PTPRD: variants seen among roughly 807,000 people sequenced by gnomAD.
PTPRD encodes receptor-type tyrosine-protein phosphatase delta.
Under a neutral mutation model 214.5 loss-of-function variants are expected in PTPRD, and 34 were observed. The ratio of observed to expected loss-of-function variants is 0.16; its 90% CI spans 0.12 to 0.21. The LOEUF is 0.21. PTPRD is among the 10% of genes least tolerant of loss of function. The probability of loss-of-function intolerance (pLI) is 1.00; values close to 1 mark genes in which losing one functional copy is unlikely to be tolerated. For synonymous variants in PTPRD, 1,128 were observed against 845.7 expected (o/e 1.33, Z -5.79); for missense variants, 2,545 against 2,398.7 (o/e 1.06, Z -1.27).
chr9:8,745,538 G>T (rs923783144), intron 11 of PTPRD, among the ~76,000 whole-genome samples: 1 of 152,134 alleles, frequency 6.6e-6, no homozygotes, highest in African/African-American at 2.4e-5. Context: ...ATTCACAAAT[G>T]AAAGTTTATC....
chr9:9,833,976 T>C lies in PTPRD; in HGVS notation c.-367-67125A>G, dbSNP rs548632449. Among the ~76,000 whole-genome samples, 119 of 152,140 alleles carry C rather than the reference T, an allele frequency of 7.8e-4. 1 individual carries two copies. Among genetic ancestry groups the C allele is most frequent in the Middle Eastern group, 6.8e-3 (2 of 294 alleles). ...ATTATTACAGGGTCCTGGAACGATA[T>C]ACATCCTCCTCAACTGACAGGATTA... On this transcript the variant is annotated intron_variant, in intron 5 of 45. Coordinates refer to ENST00000381196, the MANE Select transcript of PTPRD (RefSeq NM_002839.4).
At chr9:9,835,832 C>A (rs1179025734) in intron 5 of PTPRD, among the ~76,000 whole-genome samples, 1 of 152,070 alleles carries the variant, frequency 6.6e-6, no homozygotes, top group Non-Finnish European at 1.5e-5. Flanking sequence ...CACCCTCCTG[C>A]CATATTGTAA....
intron 11 of PTPRD, among the ~76,000 whole-genome samples, chr9:8,981,780 A>G (rs931044980): frequency 6.6e-6 from 1 of 152,082 alleles, no homozygotes; most frequent in Non-Finnish European, 1.5e-5. Context: ...GCAAAATACT[A>G]TGCAAAAAGG....
At chr9:8,949,008 G>A (rs903229243) in intron 11 of PTPRD, among the ~76,000 whole-genome samples, 1 of 151,906 alleles carries the variant, frequency 6.6e-6, no homozygotes, top group Non-Finnish European at 1.5e-5. Flanking sequence ...CAGATCACCT[G>A]AGTTTAGGAG....
At chr9:10,605,874 A>G (rs2079185447) in intron 2 of PTPRD, among the ~76,000 whole-genome samples, 1 of 151,846 alleles carries the variant, frequency 6.6e-6, no homozygotes, top group Non-Finnish European at 1.5e-5. Flanking sequence ...ATAATATTAT[A>G]TGATTTATGC....
intron 4 of PTPRD, among the ~76,000 whole-genome samples, chr9:9,986,266 G>A (rs1188100746): frequency 6.6e-6 from 1 of 151,998 alleles, no homozygotes; most frequent in Non-Finnish European, 1.5e-5. Context: ...GAAATAACTG[G>A]ACAATAGTAA....
At chr9:9,668,298 T>G (rs1387204312) in intron 7 of PTPRD, among the ~76,000 whole-genome samples, 4 of 152,200 alleles carry the variant, frequency 2.6e-5, no homozygotes, top group Non-Finnish European at 4.4e-5. Context: ...CTGAATGGTC[T>G]TCAGCAAGTC....
chr9:10,323,149 ATTTTCTTTCTCT>A (rs920639586), intron 3 of PTPRD, among the ~76,000 whole-genome samples: 14 of 149,404 alleles, frequency 9.4e-5, no homozygotes, highest in Admixed American at 4.7e-4. Context: ...AATTCTTTCT[ATTTTCTTTCTCT>A]TTTTCTTTCT....
chr9:8,907,928 T>C (rs774190604), intron 11 of PTPRD, among the ~76,000 whole-genome samples: 1 of 152,098 alleles, frequency 6.6e-6, no homozygotes, highest in Non-Finnish European at 1.5e-5. Context: ...TGATGAAAAC[T>C]ATCAACAGAT....
At chr9:9,940,941 C>G (rs1205256102) in intron 4 of PTPRD, among the ~76,000 whole-genome samples, 1 of 152,086 alleles carries the variant, frequency 6.6e-6, no homozygotes, top group African/African-American at 2.4e-5. Flanking sequence ...CCATGGCACA[C>G]AGCTCTCCAC....
chr9:8,695,165 C>T (rs958531988), intron 12 of PTPRD, among the ~76,000 whole-genome samples: 1 of 152,114 alleles, frequency 6.6e-6, no homozygotes, highest in Admixed American at 6.6e-5. Context: ...CTAAACACCA[C>T]ATACAGAGGA....
chr9:9,105,369 A>G (rs531787828), intron 10 of PTPRD, among the ~76,000 whole-genome samples: 6 of 152,276 alleles, frequency 3.9e-5, no homozygotes, highest in Admixed American at 3.9e-4. Flanking sequence ...AGATTCTCTA[A>G]GTCAACTTTC....
At chr9:9,896,759 T>A (rs144866489) in intron 5 of PTPRD, among the ~76,000 whole-genome samples, 33 of 152,182 alleles carry the variant, frequency 2.2e-4, no homozygotes, top group African/African-American at 7.7e-4. Flanking sequence ...TTAGCAATTA[T>A]CATAATTGAG....
chr9:9,506,798 A>G (rs1644689875), intron 8 of PTPRD, among the ~76,000 whole-genome samples: 1 of 151,326 alleles, frequency 6.6e-6, no homozygotes, highest in South Asian at 2.1e-4. Flanking sequence ...GTTTAAAGGT[A>G]TTTCTTAGTT....
chr9:9,961,481 G>T (rs1280034250), intron 4 of PTPRD, among the ~76,000 whole-genome samples: 1 of 152,140 alleles, frequency 6.6e-6, no homozygotes, highest in African/African-American at 2.4e-5. Flanking sequence ...CCACAAGGTT[G>T]AAAGTTCCCA....
intron 11 of PTPRD, among the ~76,000 whole-genome samples, chr9:8,850,720 C>A (rs1370323854): frequency 6.6e-6 from 1 of 152,100 alleles, no homozygotes; most frequent in South Asian, 2.1e-4. Flanking sequence ...GCTATTTCAA[C>A]CAGAGAAGTC....
intron 26 of PTPRD, among the ~76,000 whole-genome samples, chr9:8,493,296 A>C (rs1490093085): frequency 1.3e-5 from 2 of 152,184 alleles, no homozygotes; most frequent in African/African-American, 4.8e-5. Flanking sequence ...ATGTTTACCT[A>C]TCTGTGCCTC....
chr9:9,945,892 T>G (rs569164770), intron 4 of PTPRD, among the ~76,000 whole-genome samples: 137 of 152,262 alleles, frequency 9.0e-4, no homozygotes, highest in African/African-American at 3.2e-3. Flanking sequence ...ACCTGAAATA[T>G]TTTTTAAAAG....
chr9:10,545,655 G>T (rs1345254907), intron 2 of PTPRD, among the ~76,000 whole-genome samples: 3 of 152,224 alleles, frequency 2.0e-5, no homozygotes, highest in African/African-American at 7.2e-5. Context: ...ACAAATTAGT[G>T]TAAAGAAATA....
Sources: allele counts gnomAD v4.1 joint callset (sites outside exome capture counted in the v4.1 genomes callset), GRCh38; gene constraint gnomAD v4.1.1; transcripts MANE v1.5; gene names NCBI Gene and HGNC (gene_info 2026-07-23, HGNC 2026-07-21).